Variants in LYN observed in about 807,000 individuals in gnomAD.
The protein encoded by LYN is LYN proto-oncogene, Src family tyrosine kinase.
LYN carries 12 observed loss-of-function variants against 65.0 expected under a neutral mutation model. That is an observed-to-expected ratio of 0.18 (90% CI 0.12 to 0.30). The LOEUF is 0.30. Ranked by LOEUF, LYN falls within the 10% of genes least tolerant of loss-of-function variation. LYN has a pLI of 1.00. For synonymous variants in LYN, 222 were observed against 221.2 expected, an observed-to-expected ratio of 1.00 and a Z score of -0.03; for missense variants, 380 against 623.2, an observed-to-expected ratio of 0.61 and a Z score of 4.16.
intron 1 of LYN, among the ~76,000 whole-genome samples, chr8:55,889,197 G>A (rs1049000159): frequency 2.0e-5 from 3 of 151,834 alleles, no homozygotes; most frequent in African/African-American, 7.3e-5. Context: ...TTGTTTTTTG[G>A]GAGGCCAAGG....
At chr8:55,927,798 T>C (rs1055450259) in intron 1 of LYN, among the ~76,000 whole-genome samples, 1 of 151,932 alleles carries the variant, frequency 6.6e-6, no homozygotes. Flanking sequence ...ATCACACCAC[T>C]GTACCCCTGC....
intron 1 of LYN, among the ~76,000 whole-genome samples, chr8:55,911,049 T>A: frequency 7.6e-6 from 1 of 131,824 alleles, no homozygotes; most frequent in Non-Finnish European, 1.6e-5. Context: ...GGCGCCCACC[T>A]CCATGTCCGG....
At chr8:55,931,098 A>T (rs1028942456) in intron 1 of LYN, among the ~76,000 whole-genome samples, 5 of 147,896 alleles carry the variant, frequency 3.4e-5, no homozygotes, top group Non-Finnish European at 7.4e-5. Flanking sequence ...TATATAAGTT[A>T]TATATATATA....
chr8:55,880,598 G>T (rs551177242), intron 1 of LYN, among the ~76,000 whole-genome samples: 1 of 152,318 alleles, frequency 6.6e-6, no homozygotes, highest in African/African-American at 2.4e-5. Context: ...GGGAGATGGG[G>T]CTCGGCCGGC....
intron 10 of LYN, among the ~76,000 whole-genome samples, chr8:55,986,918 T>G (rs1808087719): frequency 6.6e-6 from 1 of 152,102 alleles, no homozygotes; most frequent in Non-Finnish European, 1.5e-5. Context: ...AGAGATAGGG[T>G]CTTGTTACGT....
intron 12 of LYN, among the ~76,000 whole-genome samples, chr8:56,004,700 C>T (rs1263662387): frequency 6.6e-6 from 1 of 152,176 alleles, no homozygotes; most frequent in Non-Finnish European, 1.5e-5. Flanking sequence ...GCATATAGTT[C>T]TAAATATTCT....
At chr8:55,961,776 C>G (rs1807282750) in intron 8 of LYN, among the ~76,000 whole-genome samples, 1 of 152,106 alleles carries the variant, frequency 6.6e-6, no homozygotes, top group Admixed American at 6.6e-5. Flanking sequence ...AATGCAAACA[C>G]AAATATCTAA....
At chr8:55,894,334 G>A (rs1805031869) in intron 1 of LYN, among the ~76,000 whole-genome samples, 1 of 151,450 alleles carries the variant, frequency 6.6e-6, no homozygotes, top group African/African-American at 2.4e-5. Flanking sequence ...TGAGTAGCTG[G>A]GACTAGAGGT....
At chr8:55,986,876 C>T (rs538447770) in intron 10 of LYN, among the ~76,000 whole-genome samples, 1 of 152,154 alleles carries the variant, frequency 6.6e-6, no homozygotes, top group Non-Finnish European at 1.5e-5. Context: ...CAAGCATGTG[C>T]CACTACACCC....
At chr8:55,908,072 A>T (rs887844057) in intron 1 of LYN, among the ~76,000 whole-genome samples, 2 of 152,116 alleles carry the variant, frequency 1.3e-5, no homozygotes, top group Non-Finnish European at 2.9e-5. Flanking sequence ...CCTGGGAAGG[A>T]TTAGCATATG....
intron 10 of LYN, among the ~76,000 whole-genome samples, chr8:55,979,492 C>T (rs1458998855): frequency 2.0e-5 from 3 of 152,136 alleles, no homozygotes; most frequent in South Asian, 2.1e-4. Context: ...CCTCGGAGCA[C>T]GTGCTGTAGC....
At chr8:55,905,908 C>T (rs1014433329) in intron 1 of LYN, among the ~76,000 whole-genome samples, 2 of 152,170 alleles carry the variant, frequency 1.3e-5, no homozygotes, top group African/African-American at 2.4e-5. Context: ...CAGAGGTTGC[C>T]CATTCATCTT....
intron 8 of LYN, among the ~76,000 whole-genome samples, chr8:55,957,384 A>T (rs150968226): frequency 1.2e-4 from 18 of 152,310 alleles, no homozygotes; most frequent in African/African-American, 3.4e-4. Context: ...TCCTATGGAT[A>T]TTTGCTGGCA....
intron 1 of LYN, among the ~76,000 whole-genome samples, chr8:55,882,091 T>C (rs1804666995): frequency 6.6e-6 from 1 of 152,126 alleles, no homozygotes; most frequent in African/African-American, 2.4e-5. Flanking sequence ...GTTACCCACA[T>C]TTAGTGTGGG....
intron 1 of LYN, among the ~76,000 whole-genome samples, chr8:55,898,133 C>CAA (rs143378787): frequency 6.6e-6 from 1 of 151,116 alleles, no homozygotes; most frequent in African/African-American, 2.4e-5. Context: ...ACCCTCCCCC[C>CAA]AAAAAAAAAC....
intron 1 of LYN, among the ~76,000 whole-genome samples, chr8:55,903,970 G>T (rs1314336780): frequency 6.6e-6 from 1 of 151,688 alleles, no homozygotes; most frequent in African/African-American, 2.4e-5. Context: ...GCACTGGGCT[G>T]TGATTGTGCC....
chr8:56,008,937 A>G (rs1308676616), intron 12 of LYN, among the ~76,000 whole-genome samples: 1 of 152,230 alleles, frequency 6.6e-6, no homozygotes, highest in Non-Finnish European at 1.5e-5. Flanking sequence ...TGTAGCACAA[A>G]CTACAGACAA....
chr8:56,002,020 C>T (rs1033147042), intron 12 of LYN, among the ~76,000 whole-genome samples: 6 of 152,174 alleles, frequency 3.9e-5, no homozygotes, highest in South Asian at 2.1e-4. Flanking sequence ...GCAGCTCACA[C>T]GTGTAATCCT....
chr8:55,952,757 T>A (rs1268475050), intron 7 of LYN, among the ~76,000 whole-genome samples: 1 of 152,204 alleles, frequency 6.6e-6, no homozygotes, highest in Non-Finnish European at 1.5e-5. Flanking sequence ...ATATCTGGAA[T>A]AGGAATGCAG....
Sources: gnomAD v4.1 joint callset for allele counts (sites outside exome capture counted in the v4.1 genomes callset) on GRCh38, gnomAD v4.1.1 for gene constraint, MANE v1.5 for transcripts, NCBI Gene and HGNC (gene_info 2026-07-23, HGNC 2026-07-21) for gene names.